Variants in ODAM observed in about 807,000 individuals in gnomAD.
The protein encoded by ODAM is odontogenic, ameloblast associated.
Under a neutral mutation model 48.5 loss-of-function variants are expected in ODAM, and 55 were observed. The ratio of observed to expected loss-of-function variants is 1.13; its 90% confidence interval spans 0.91 to 1.42. ODAM has a LOEUF of 1.42. ODAM is among the 40% of genes most tolerant of loss of function. The probability of loss-of-function intolerance (pLI) is 0.00; values close to 1 mark genes in which losing one functional copy is unlikely to be tolerated. For missense variants in ODAM, 353 were observed against 323.6 expected (o/e 1.09, Z -0.70); for synonymous variants, 127 against 107.8 (o/e 1.18, Z -1.10).
chr4:70,197,402 T>C, intron 4 of ODAM, 81 bp downstream of exon 4: 1 of 837,548 alleles, frequency 1.2e-6, no homozygotes, highest in Non-Finnish European at 2.0e-6. Flanking sequence ...AACAAAATGT[T>C]TCCTGATCCT....
Position 70,196,583 on chromosome 4 carries a change from T to A in ODAM, c.40T>A (p.Leu14Met), listed in dbSNP as rs368738123. The change falls in exon 2 of 12, where the codon TTG (leucine) becomes ATG (methionine). Residue 14 changes from leucine to methionine, a missense_variant. Leu to Met is a conservative substitution (Grantham distance 15). Coordinates refer to ENST00000683306, the MANE Select transcript of ODAM (RefSeq NM_017855.4). ...IILLGFLGAT[L>M]SAPLIPQRLM... ...TCTTCTTGGATTCCTGGGAGCCACATTGTCAGCCCCAGTAAGTGATTTTAT... is the reference window on the plus strand; with the variant it reads ...TCTTCTTGGATTCCTGGGAGCCACAATGTCAGCCCCAGTAAGTGATTTTAT... The A allele has an allele frequency of 1.9e-6, 3 of 1,598,388 alleles. No individual in the cohort carries two copies. Among genetic ancestry groups the A allele is most frequent in the Admixed American group, 3.4e-5 (2 of 59,582 alleles).
chr4:70,203,183 T>C lies in ODAM; in HGVS notation c.838T>C (p.Ter280GlnextTer20), dbSNP rs1161214431. The C allele has an allele frequency of 5.0e-6, 8 of 1,601,838 alleles. No individual in the cohort carries two copies. Among genetic ancestry groups the C allele is most frequent in the African/African-American group, 1.3e-5 (1 of 74,634 alleles). The change falls in exon 11 of 12, where the codon TAA becomes CAA. Residue 280 changes from the stop codon to glutamine (Q), a stop_lost. Coordinates refer to ENST00000683306, the MANE Select transcript of ODAM (RefSeq NM_017855.4). ...KDKTDSLREP* is the reference protein window; with the variant it reads ...KDKTDSLREPQ ...CAAGACTGACAGCCTAAGGGAACCA[T>C]AAGAAGTTGCCCTGATCATTCAGAC... is the stretch of plus-strand genomic sequence containing the variant.
At chr4:70,199,979 G>A (rs887007897) in intron 6 of ODAM, 5 of 324,324 alleles carry the variant, frequency 1.5e-5, no homozygotes, top group South Asian at 1.3e-4. Context: ...AGTTTCAGAT[G>A]ATTTCATTTG....
intron 2 of ODAM, 34 bp downstream of exon 2, chr4:70,196,628 T>C (rs747517020): frequency 6.3e-7 from 1 of 1,591,224 alleles, no homozygotes. Flanking sequence ...AGTCCCACTG[T>C]GTTAAACCTT....
chr4:70,200,431 A>T, intron 6 of ODAM, 66 bp from the exon 7 acceptor site: 1 of 787,326 alleles, frequency 1.3e-6, no homozygotes, highest in South Asian at 1.7e-5. Context: ...TTGACATTAG[A>T]AGATAAAAAG....
At chr4:70,197,154 C>A (rs1729384554) in intron 3 of ODAM, 120 bp from the exon 4 acceptor site, 1 of 628,702 alleles carries the variant, frequency 1.6e-6, no homozygotes, top group East Asian at 2.8e-5. Flanking sequence ...GAGAAAATGT[C>A]CCACTTCTAA....
chr4:70,198,523 G>A (rs1729429339), intron 5 of ODAM, 56 bp from the exon 6 acceptor site: 2 of 1,357,290 alleles, frequency 1.5e-6, no homozygotes, highest in Middle Eastern at 1.8e-4. Context: ...GCAGCTCAGG[G>A]ATTTTTAAAT....
At position 70,203,206 on chromosome 4, in the gene ODAM, G is replaced by T. The variant is rs773932787; in HGVS notation, c.*21G>T. ...CATAAGAAGTTGCCCTGATCATTCA[G>T]ACATTTTGGTAGGTATTTGCCAAAG... On this transcript the variant is annotated 3_prime_UTR_variant, in exon 11 of 12. Transcript: ENST00000683306. The T allele has an allele frequency of 3.2e-6, 5 of 1,584,412 alleles. No homozygotes were observed. The highest frequency in any genetic ancestry group is 4.3e-6 in the Non-Finnish European group (5 of 1,154,780).
intron 3 of ODAM, among the ~76,000 whole-genome samples, 183 bp from the exon 4 acceptor site, chr4:70,197,091 C>T (rs1318941863): frequency 1.3e-5 from 2 of 151,964 alleles, no homozygotes; most frequent in Non-Finnish European, 2.9e-5. Context: ...TGTTAAATCC[C>T]AACCTTGTTT....
At position 70,202,921 on chromosome 4, in the gene ODAM, G is replaced by A. The variant is rs939643649; in HGVS notation, c.810+4G>A. 5 of 1,599,542 alleles carry A rather than the reference G, an allele frequency of 3.1e-6. No homozygotes were observed. The African/African-American group carries it at 5.4e-5, about 17-fold the overall frequency. On this transcript the variant is annotated splice_donor_region_variant and intron_variant, in intron 10 of 11. Coordinates refer to ENST00000683306, the MANE Select transcript of ODAM (RefSeq NM_017855.4). ...CCCAGAGCTCCCAGAAGAGAAGGTA[G>A]AGTCATGAAAACTTCACTTTATGCA...
At chr4:70,200,921 A>C (rs575820994) in intron 7 of ODAM, among the ~76,000 whole-genome samples, 1 of 151,974 alleles carries the variant, frequency 6.6e-6, no homozygotes, top group African/African-American at 2.4e-5. Context: ...ACCTTTCCAC[A>C]TATGTGTGTG....
intron 1 of ODAM, 31 bp from the exon 2 acceptor site, chr4:70,196,498 A>G (rs368660760): frequency 3.6e-5 from 45 of 1,249,908 alleles, no homozygotes; most frequent in Non-Finnish European, 4.7e-5. Flanking sequence ...TAATGTCTTT[A>G]TAAAGCTAAA....
Position 70,197,944 on chromosome 4 carries a change from T to C in ODAM, c.162T>C (p.Ile54=). 6.2e-7 allele frequency: 1 copy of C among 1,613,212 alleles called. No individual in the cohort carries two copies. The highest frequency in any genetic ancestry group is 2.2e-5 in the East Asian group (1 of 44,826). ...TTTAGGGCCCACTTAATTCATGGATTCCACCTTTCTCTGGAATTTTACAAC... is the reference window on the plus strand; with the variant it reads ...TTTAGGGCCCACTTAATTCATGGATCCCACCTTTCTCTGGAATTTTACAAC... ...LQLQGPLNSW[I]PPFSGILQQQ... Residue 54 remains isoleucine (I), a synonymous_variant, in exon 5 of 12, where the codon ATT becomes ATC. Transcript: ENST00000683306.
chr4:70,197,348 T>C (rs1729392058), intron 4 of ODAM, 27 bp downstream of exon 4: 3 of 1,218,762 alleles, frequency 2.5e-6, no homozygotes, highest in African/African-American at 1.5e-5. Context: ...AATTACTTTA[T>C]GGGGAATATT....
chr4:70,198,247 G>A (rs2306445), intron 5 of ODAM, 90 bp downstream of exon 5: 146,962 of 1,064,290 alleles, frequency 0.14, 12,111 homozygotes, highest in East Asian at 0.31. Context: ...AAATAGGCAG[G>A]GGTTTTTGAA....
At position 70,196,727 on chromosome 4, in the gene ODAM, C is replaced by T; in HGVS notation, c.87C>T (p.Ser29=). 1.2e-6 allele frequency: 2 copies of T among 1,605,328 alleles called. No homozygotes were observed. The highest frequency in any genetic ancestry group is 1.7e-6 in the Non-Finnish European group (2 of 1,175,196). The change falls in exon 3 of 12, where the codon AGC becomes AGT. Residue 29 remains serine, a synonymous_variant. Coordinates refer to ENST00000683306, the MANE Select transcript of ODAM (RefSeq NM_017855.4). The stretch of plus-strand genomic sequence containing the variant: ...AGCGTCTCATGTCTGCCAGCAATAG[C>T]AATGAGGTTAGTTTAAATAATTAAA... The part of the protein sequence containing the change: ...IPQRLMSASN[S]NELLLNLNNG...
rs762818693 is a variant in ODAM at position 70,201,489 on chromosome 4, A to G, written c.564A>G (p.Gln188=). ...ATGCTCAATTTGGATACATTCCACA[A>G]CTAGCAGAACCTGTAAGTAAATGCA... ...PFYAQFGYIP[Q]LAEPAISGGQ... Residue 188 remains glutamine (Q), a synonymous_variant, in exon 8 of 12, where the codon CAA becomes CAG. Transcript: ENST00000683306. 6.6e-7 allele frequency: 1 copy of G among 1,513,450 alleles called. No homozygotes were observed. Among genetic ancestry groups the G allele is most frequent in the Non-Finnish European group, 9.1e-7 (1 of 1,094,152 alleles). The allele number at this position is 1,513,450 out of a possible 1,614,324, so 93.8% of individuals were successfully genotyped here. A position where few individuals can be genotyped will look rare whatever the true frequency, so the allele number is the denominator to read the frequency against.
chr4:70,196,144 G>A (rs558505712), intron 1 of ODAM, among the ~76,000 whole-genome samples: 1 of 152,066 alleles, frequency 6.6e-6, no homozygotes, highest in Admixed American at 6.6e-5. Flanking sequence ...TAAAATTGCT[G>A]CAGTAATAAG....
chr4:70,203,507 A>G, intron 11 of ODAM, among the ~76,000 whole-genome samples: 1 of 151,942 alleles, frequency 6.6e-6, no homozygotes, highest in East Asian at 1.9e-4. Context: ...TCCATACAGA[A>G]TCAATTCTCC....
Sources: allele counts gnomAD v4.1 joint callset (sites outside exome capture counted in the v4.1 genomes callset), GRCh38; gene constraint gnomAD v4.1.1; transcripts MANE v1.5; gene names NCBI Gene and HGNC (gene_info 2026-07-23, HGNC 2026-07-21).